The following TUNAR variants were observed in gnomAD, a reference collection of about 807,000 sequenced individuals.
TUNAR encodes the protein transmembrane neural differentiation associated intracellular calcium regulator, also known as protein TUNAR.
chr14:95,885,344 C>T (rs1889059136), intron 2 of TUNAR, among the ~76,000 whole-genome samples: 2 of 152,122 alleles, frequency 1.3e-5, no homozygotes, highest in Admixed American at 1.3e-4. Flanking sequence ...ATGTTCCCTG[C>T]CTTTTATGGT....
intron 2 of TUNAR, among the ~76,000 whole-genome samples, chr14:95,889,292 A>G (rs1174070280): frequency 6.6e-6 from 1 of 152,250 alleles, no homozygotes; most frequent in African/African-American, 2.4e-5. Flanking sequence ...GCTGATATAA[A>G]GATGAACATA....
chr14:95,891,558 G>A (rs1889181197), intron 2 of TUNAR, among the ~76,000 whole-genome samples: 1 of 152,194 alleles, frequency 6.6e-6, no homozygotes, highest in South Asian at 2.1e-4. Flanking sequence ...AGGGCCACAC[G>A]GCTCCTGAGA....
At chr14:95,913,940 T>G (rs1889560766) in intron 2 of TUNAR, among the ~76,000 whole-genome samples, 1 of 152,136 alleles carries the variant, frequency 6.6e-6, no homozygotes, top group Admixed American at 6.5e-5. Flanking sequence ...ACCATGTTGG[T>G]CAGGATGATC....
At chr14:95,916,514 C>A (rs1225987994) in intron 2 of TUNAR, among the ~76,000 whole-genome samples, 1 of 152,194 alleles carries the variant, frequency 6.6e-6, no homozygotes, top group Admixed American at 6.5e-5. Context: ...AACGGTAGAT[C>A]CAGGCCACCG....
intron 2 of TUNAR, among the ~76,000 whole-genome samples, chr14:95,905,032 C>A (rs992500556): frequency 6.6e-5 from 10 of 152,228 alleles, no homozygotes; most frequent in Admixed American, 5.9e-4. Context: ...GGCATTGATA[C>A]TAGAGCAATC....
Position 95,919,723 on chromosome 14 carries a change from T to C in TUNAR, c.13-3058T>C, listed in dbSNP as rs1237211248. On this transcript the variant is annotated intron_variant, in intron 2 of 2. Transcript: ENST00000678517. ...ACAAGAGCCTGTCTCAAAATAATAATAATAATAGTAATAATGATATATGTA... is the reference window on the plus strand; with the variant it reads ...ACAAGAGCCTGTCTCAAAATAATAACAATAATAGTAATAATGATATATGTA... Among the ~76,000 whole-genome samples the C allele has an allele frequency of 2.6e-5, 4 of 151,930 alleles. No homozygotes were observed. The East Asian group carries it at 5.8e-4, about 22-fold the overall frequency.
chr14:95,910,099 G>A (rs1043446382), intron 2 of TUNAR, among the ~76,000 whole-genome samples: 3 of 152,160 alleles, frequency 2.0e-5, no homozygotes, highest in African/African-American at 7.2e-5. Context: ...TTTCACTGCC[G>A]TATCCCTAGT....
intron 2 of TUNAR, among the ~76,000 whole-genome samples, chr14:95,898,693 G>A (rs749157944): frequency 6.6e-6 from 1 of 151,960 alleles, no homozygotes; most frequent in Non-Finnish European, 1.5e-5. Context: ...TCTTGTCTCT[G>A]ATCATTTCTT....
At chr14:95,887,606 C>T (rs1366329785) in intron 2 of TUNAR, among the ~76,000 whole-genome samples, 1 of 152,186 alleles carries the variant, frequency 6.6e-6, no homozygotes, top group East Asian at 1.9e-4. Flanking sequence ...GTTATTACCC[C>T]CAAACTTAGT....
intron 2 of TUNAR, among the ~76,000 whole-genome samples, chr14:95,901,947 C>T (rs1595120921): frequency 1.3e-5 from 2 of 152,224 alleles, no homozygotes; most frequent in East Asian, 1.9e-4. Context: ...CCAGTGCAAA[C>T]GTTTGGGCAA....
chr14:95,920,029 A>G (rs1889664709), intron 2 of TUNAR, among the ~76,000 whole-genome samples: 1 of 152,240 alleles, frequency 6.6e-6, no homozygotes, highest in East Asian at 1.9e-4. Flanking sequence ...CAGCCATAGA[A>G]TAGAGACATA....
chr14:95,925,149 C>G (rs1192993059), exon 3 of TUNAR: 1 of 152,194 alleles, frequency 6.6e-6, no homozygotes, highest in African/African-American at 2.4e-5. Context: ...TGTAGTAACC[C>G]TGTGAGAGAG....
chr14:95,923,310 A>G (rs1157243645), exon 3 of TUNAR: 4 of 188,740 alleles, frequency 2.1e-5, no homozygotes, highest in African/African-American at 7.0e-5. Flanking sequence ...CAGATATCAC[A>G]TATTTGAAAA....
chr14:95,925,544 A>G (rs1889774470), exon 3 of TUNAR: 1 of 152,188 alleles, frequency 6.6e-6, no homozygotes, highest in African/African-American at 2.4e-5. Context: ...GAACAGAATA[A>G]ACAATAAAGG....
chr14:95,925,026 T>A (rs962620848), exon 3 of TUNAR: 1 of 152,234 alleles, frequency 6.6e-6, no homozygotes, highest in Non-Finnish European at 1.5e-5. Flanking sequence ...TGGCATTGAT[T>A]TATGATATCT....
At chr14:95,898,479 C>T (rs568938860) in intron 2 of TUNAR, among the ~76,000 whole-genome samples, 1 of 152,294 alleles carries the variant, frequency 6.6e-6, no homozygotes, top group African/African-American at 2.4e-5. Context: ...CATTTGTTTT[C>T]CATTCTCCAT....
chr14:95,878,841 T>C (rs181713515), intron 2 of TUNAR, among the ~76,000 whole-genome samples: 2 of 152,342 alleles, frequency 1.3e-5, no homozygotes, highest in Non-Finnish European at 2.9e-5. Flanking sequence ...TCCTAAGAAC[T>C]GATGACATAC....
intron 2 of TUNAR, among the ~76,000 whole-genome samples, chr14:95,918,186 G>GCA (rs1889636282): frequency 1.3e-5 from 2 of 152,170 alleles, no homozygotes; most frequent in Admixed American, 1.3e-4. Flanking sequence ...TTTGATACAG[G>GCA]CACACAGTGT....
intron 2 of TUNAR, among the ~76,000 whole-genome samples, chr14:95,892,791 A>T (rs1889204117): frequency 1.3e-5 from 2 of 152,138 alleles, no homozygotes; most frequent in African/African-American, 4.8e-5. Flanking sequence ...CCATGAGATG[A>T]TGCATTTTAA....
Sources: allele counts gnomAD v4.1 joint callset (sites outside exome capture counted in the v4.1 genomes callset), GRCh38; gene constraint gnomAD v4.1.1; transcripts MANE v1.5; gene names NCBI Gene and HGNC (gene_info 2026-07-23, HGNC 2026-07-21).